FHIT: variants seen among roughly 807,000 people sequenced by gnomAD.
The protein encoded by FHIT is bis(5'-adenosyl)-triphosphatase.
FHIT carries 19 observed loss-of-function variants against 17.9 expected under a neutral mutation model. That is an observed-to-expected ratio of 1.06 (90% CI 0.74 to 1.56). The LOEUF (loss-of-function observed/expected upper bound fraction) is 1.56. Among genes scored for constraint, FHIT ranks in the 40% most tolerant of loss-of-function variants. The probability of loss-of-function intolerance (pLI) is 0.00; values close to 1 mark genes in which losing one functional copy is unlikely to be tolerated. For synonymous variants in FHIT, 81 were observed against 69.7 expected (o/e 1.16, Z -0.81); for missense variants, 248 against 189.2 (o/e 1.31, Z -1.82).
At chr3:60,940,736 T>C (rs1176787901) in intron 3 of FHIT, among the ~76,000 whole-genome samples, 1 of 152,204 alleles carries the variant, frequency 6.6e-6, no homozygotes, top group South Asian at 2.1e-4. Context: ...ATAAGCATAG[T>C]GGTTAAAATG....
chr3:60,928,266 G>A (rs536454070), intron 3 of FHIT, among the ~76,000 whole-genome samples: 73 of 143,022 alleles, frequency 5.1e-4, no homozygotes, highest in African/African-American at 1.6e-3. Flanking sequence ...ATGACCCTGC[G>A]AAATCCCCCT....
chr3:61,162,085 C>G (rs2037713220), intron 2 of FHIT, among the ~76,000 whole-genome samples: 2 of 152,192 alleles, frequency 1.3e-5, no homozygotes. Context: ...AGCAAATCAT[C>G]AATTAAAACT....
chr3:60,055,986 A>G (rs1237038769), intron 5 of FHIT, among the ~76,000 whole-genome samples: 1 of 152,214 alleles, frequency 6.6e-6, no homozygotes, highest in Admixed American at 6.5e-5. Flanking sequence ...TAAGTTGTGG[A>G]AGTGCTTCAG....
chr3:61,153,780 T>C (rs547698689), intron 2 of FHIT, among the ~76,000 whole-genome samples: 1 of 152,322 alleles, frequency 6.6e-6, no homozygotes, highest in South Asian at 2.1e-4. Flanking sequence ...AAAATGGTGA[T>C]TTATAGCCAA....
chr3:60,187,195 C>CA (rs1702194016), intron 5 of FHIT, among the ~76,000 whole-genome samples: 1 of 152,126 alleles, frequency 6.6e-6, no homozygotes, highest in Non-Finnish European at 1.5e-5. Flanking sequence ...ACAAGCCTCT[C>CA]ACTGGAGTCA....
intron 7 of FHIT, among the ~76,000 whole-genome samples, chr3:59,956,850 C>G (rs1707428102): frequency 6.6e-6 from 1 of 152,128 alleles, no homozygotes; most frequent in African/African-American, 2.4e-5. Flanking sequence ...TGTCAAAAAT[C>G]CCTATCATCC....
intron 5 of FHIT, among the ~76,000 whole-genome samples, chr3:60,297,294 G>T (rs1023384150): frequency 4.6e-5 from 7 of 151,948 alleles, no homozygotes; most frequent in African/African-American, 1.7e-4. Context: ...TCCATTTATT[G>T]AGATCATCTT....
intron 4 of FHIT, among the ~76,000 whole-genome samples, chr3:60,693,351 C>T (rs1251573021): frequency 4.6e-5 from 7 of 152,168 alleles, no homozygotes; most frequent in African/African-American, 1.4e-4. Flanking sequence ...ATTTTAATTT[C>T]GTATAGCAGT....
At chr3:60,155,404 A>T (rs901594339) in intron 5 of FHIT, among the ~76,000 whole-genome samples, 1 of 152,060 alleles carries the variant, frequency 6.6e-6, no homozygotes, top group African/African-American at 2.4e-5. Context: ...TTTTCTCCCC[A>T]ACTACCCCAC....
intron 5 of FHIT, among the ~76,000 whole-genome samples, chr3:60,209,790 T>C (rs976297574): frequency 6.6e-6 from 1 of 152,124 alleles, no homozygotes; most frequent in Admixed American, 6.5e-5. Context: ...TGCAGGGACA[T>C]GGATGAAGCT....
chr3:60,531,765 T>C (rs1406091609), intron 5 of FHIT, among the ~76,000 whole-genome samples: 2 of 152,256 alleles, frequency 1.3e-5, no homozygotes, highest in Non-Finnish European at 2.9e-5. Context: ...AATGAAGCTA[T>C]TTTTATTATT....
chr3:60,688,304 T>C lies in FHIT; in HGVS notation c.-18+133615A>G, dbSNP rs192331883. On this transcript the variant is annotated intron_variant, in intron 4 of 9. Transcript: ENST00000492590. Reference sequence around the variant, plus strand: ...TTCCCAAGGTCATTCAGGTAATATATGGCAGTGGCAAGACTTAACCAAAGG... The same window carrying C: ...TTCCCAAGGTCATTCAGGTAATATACGGCAGTGGCAAGACTTAACCAAAGG... Among the ~76,000 whole-genome samples the C allele has an allele frequency of 5.3e-5, 8 of 152,314 alleles. 1 individual carries two copies. Among genetic ancestry groups the C allele is most frequent in the Admixed American group, 5.2e-4 (8 of 15,288 alleles).
At chr3:60,704,885 G>A (rs1160187114) in intron 4 of FHIT, among the ~76,000 whole-genome samples, 1 of 151,936 alleles carries the variant, frequency 6.6e-6, no homozygotes, top group Non-Finnish European at 1.5e-5. Flanking sequence ...AGGCTGATAA[G>A]TCTGCTCTTT....
At chr3:60,983,155 G>A (rs1182431177) in intron 3 of FHIT, among the ~76,000 whole-genome samples, 1 of 151,954 alleles carries the variant, frequency 6.6e-6, no homozygotes, top group Non-Finnish European at 1.5e-5. Flanking sequence ...GTGTGTGTGT[G>A]TGTGTGTGTA....
intron 2 of FHIT, among the ~76,000 whole-genome samples, chr3:61,185,281 A>G (rs1191885266): frequency 6.6e-6 from 1 of 152,188 alleles, no homozygotes; most frequent in East Asian, 1.9e-4. Flanking sequence ...CTGAGCAGCA[A>G]AGAAGCTTCC....
At chr3:60,004,239 T>A (rs561378566) in intron 7 of FHIT, among the ~76,000 whole-genome samples, 7 of 152,134 alleles carry the variant, frequency 4.6e-5, no homozygotes, top group Non-Finnish European at 5.9e-5. Flanking sequence ...GAGCCTCAGG[T>A]GTAAAAGACA....
chr3:59,954,357 C>G (rs1460152669), intron 7 of FHIT, among the ~76,000 whole-genome samples: 2 of 151,624 alleles, frequency 1.3e-5, no homozygotes, highest in East Asian at 3.9e-4. Context: ...AATAATTCAA[C>G]TCAACAAATA....
intron 4 of FHIT, among the ~76,000 whole-genome samples, chr3:60,769,798 G>T (rs1365867422): frequency 1.3e-5 from 2 of 152,128 alleles, no homozygotes; most frequent in South Asian, 4.1e-4. Context: ...ATTAACTTAG[G>T]TTTTCAATTT....
intron 5 of FHIT, among the ~76,000 whole-genome samples, chr3:60,391,543 C>T (rs1032444290): frequency 1.3e-4 from 20 of 152,120 alleles, no homozygotes; most frequent in African/African-American, 4.6e-4. Flanking sequence ...TGGTAAGTGC[C>T]CTGTACAGGT....
Sources: allele counts gnomAD v4.1 joint callset (sites outside exome capture counted in the v4.1 genomes callset), GRCh38; gene constraint gnomAD v4.1.1; transcripts MANE v1.5; gene names NCBI Gene and HGNC (gene_info 2026-07-23, HGNC 2026-07-21).